Variants in CAMK1D observed in about 807,000 individuals in gnomAD.
CAMK1D encodes the protein calcium/calmodulin dependent protein kinase ID.
In CAMK1D, 9 loss-of-function variants were observed where a neutral mutation model predicts 47.7. That is an observed-to-expected ratio of 0.19 (90% confidence interval 0.11 to 0.33). CAMK1D has a LOEUF of 0.33. Among genes scored for constraint, CAMK1D ranks in the 10% least tolerant of loss-of-function variants. The probability of loss-of-function intolerance (pLI) is 1.00; values close to 1 mark genes in which losing one functional copy is unlikely to be tolerated. For missense variants in CAMK1D, 291 were observed against 488.7 expected (o/e 0.60, Z 3.81); for synonymous variants, 184 against 184.9 (o/e 0.99, Z 0.04).
Position 12,708,856 on chromosome 10 carries a change from G to A in CAMK1D, c.299+42046G>A, listed in dbSNP as rs553004611. On this transcript the variant is annotated intron_variant, in intron 3 of 10. Transcript: ENST00000619168. ...TTTCAATGATCCCATTAGGCCAGGC[G>A]TGGTGGCTCATATCTGTAATCCCAG... Among the ~76,000 whole-genome samples the A allele has an allele frequency of 2.6e-5, 4 of 152,328 alleles. No individual in the cohort carries two copies. In the South Asian group the frequency reaches 6.2e-4, roughly 24 times the overall value.
intron 1 of CAMK1D, among the ~76,000 whole-genome samples, chr10:12,535,786 C>G (rs1327352893): frequency 6.6e-6 from 1 of 152,192 alleles, no homozygotes; most frequent in East Asian, 1.9e-4. Context: ...GGTCTGTTGC[C>G]TCATCCATGC....
intron 2 of CAMK1D, among the ~76,000 whole-genome samples, chr10:12,605,109 G>C (rs1006245666): frequency 6.6e-6 from 1 of 152,072 alleles, no homozygotes; most frequent in South Asian, 2.1e-4. Context: ...GGATGGTCTC[G>C]ATCTCCTGAC....
intron 1 of CAMK1D, among the ~76,000 whole-genome samples, chr10:12,529,057 T>G (rs1835720111): frequency 6.6e-6 from 1 of 152,074 alleles, no homozygotes; most frequent in African/African-American, 2.4e-5. Flanking sequence ...AGGCTGGTCT[T>G]GAACTCCTGG....
chr10:12,376,479 T>A (rs1414682075), intron 1 of CAMK1D, among the ~76,000 whole-genome samples: 1 of 152,098 alleles, frequency 6.6e-6, no homozygotes, highest in Non-Finnish European at 1.5e-5. Context: ...CCTGGGAAAC[T>A]CCACCACCGG....
At chr10:12,587,522 C>A (rs1216738017) in intron 2 of CAMK1D, among the ~76,000 whole-genome samples, 2 of 148,084 alleles carry the variant, frequency 1.4e-5, no homozygotes, top group Non-Finnish European at 3.0e-5. Context: ...AAATCAGGCT[C>A]TCTGGGACTG....
chr10:12,498,618 G>C (rs1355304591), intron 1 of CAMK1D, among the ~76,000 whole-genome samples: 1 of 152,240 alleles, frequency 6.6e-6, no homozygotes, highest in African/African-American at 2.4e-5. Flanking sequence ...TCATCAGGGA[G>C]GGGCTAGGCC....
intron 2 of CAMK1D, among the ~76,000 whole-genome samples, chr10:12,576,777 G>A (rs1434782108): frequency 6.6e-6 from 1 of 152,174 alleles, no homozygotes; most frequent in East Asian, 1.9e-4. Flanking sequence ...CCGGTTCCAC[G>A]GCCTGGTACT....
At chr10:12,672,914 T>C in intron 3 of CAMK1D, among the ~76,000 whole-genome samples, 1 of 150,358 alleles carries the variant, frequency 6.7e-6, no homozygotes, top group African/African-American at 2.5e-5. Context: ...TTTTTTTTTT[T>C]TAGTCAGAGT....
chr10:12,646,811 T>C (rs1226588490), intron 2 of CAMK1D, among the ~76,000 whole-genome samples: 3 of 152,158 alleles, frequency 2.0e-5, no homozygotes, highest in Non-Finnish European at 4.4e-5. Context: ...AGTTGTTGTG[T>C]TGCAGTCTTT....
At chr10:12,727,220 T>G (rs185352363) in intron 3 of CAMK1D, among the ~76,000 whole-genome samples, 13 of 152,360 alleles carry the variant, frequency 8.5e-5, no homozygotes, top group Admixed American at 8.5e-4. Flanking sequence ...ACTTACAGGC[T>G]TCTGAAGACT....
At chr10:12,362,039 C>G (rs1397699807) in intron 1 of CAMK1D, among the ~76,000 whole-genome samples, 1 of 152,018 alleles carries the variant, frequency 6.6e-6, no homozygotes, top group Non-Finnish European at 1.5e-5. Flanking sequence ...CTATTAAACT[C>G]TCTGCTCCTT....
intron 6 of CAMK1D, among the ~76,000 whole-genome samples, 171 bp downstream of exon 6, chr10:12,791,404 A>T (rs908012428): frequency 1.3e-5 from 2 of 152,184 alleles, no homozygotes; most frequent in Admixed American, 6.5e-5. Flanking sequence ...GTGTTGCACA[A>T]CCACCATTAC....
intron 1 of CAMK1D, among the ~76,000 whole-genome samples, chr10:12,384,819 A>G (rs1007154714): frequency 6.6e-6 from 1 of 152,234 alleles, no homozygotes; most frequent in African/African-American, 2.4e-5. Flanking sequence ...AAAATTGTGC[A>G]TCAAAGGATA....
chr10:12,563,142 C>T (rs1300759176), intron 2 of CAMK1D, among the ~76,000 whole-genome samples: 2 of 152,258 alleles, frequency 1.3e-5, no homozygotes, highest in Non-Finnish European at 2.9e-5. Flanking sequence ...AGGCCAAAGA[C>T]CTGGGAACCA....
intron 1 of CAMK1D, among the ~76,000 whole-genome samples, chr10:12,369,310 C>T (rs184951104): frequency 6.6e-6 from 1 of 152,284 alleles, no homozygotes; most frequent in African/African-American, 2.4e-5. Context: ...ACAACAACAA[C>T]AAAACCATCA....
chr10:12,400,883 G>T (rs1047823452), intron 1 of CAMK1D, among the ~76,000 whole-genome samples: 14 of 150,180 alleles, frequency 9.3e-5, no homozygotes, highest in African/African-American at 3.4e-4. Context: ...TTGGGAGGCC[G>T]AGGTGGGCAG....
intron 2 of CAMK1D, among the ~76,000 whole-genome samples, chr10:12,563,664 TGA>T (rs373932374): frequency 1.2e-3 from 156 of 130,094 alleles, no homozygotes; most frequent in South Asian, 4.0e-3. Flanking sequence ...GCGGAAGGTT[TGA>T]GAGAGAGAGA....
intron 2 of CAMK1D, among the ~76,000 whole-genome samples, chr10:12,625,799 G>A (rs554098191): frequency 4.7e-4 from 72 of 152,062 alleles, no homozygotes; most frequent in African/African-American, 1.7e-3. Flanking sequence ...TAAAAGATTC[G>A]TGAAGATTAC....
chr10:12,782,996 G>GTT (rs869121653), intron 5 of CAMK1D, among the ~76,000 whole-genome samples: 9 of 85,620 alleles, frequency 1.1e-4, no homozygotes, highest in African/African-American at 1.3e-4. Context: ...TTTTTTTTTT[G>GTT]TTTTTTTTTT....
Sources: allele counts gnomAD v4.1 joint callset (sites outside exome capture counted in the v4.1 genomes callset), GRCh38; gene constraint gnomAD v4.1.1; transcripts MANE v1.5; gene names NCBI Gene and HGNC (gene_info 2026-07-23, HGNC 2026-07-21).